The following ZC3H11A variants were observed in gnomAD, a reference collection of about 807,000 sequenced individuals.
ZC3H11A encodes the protein zinc finger CCCH-type containing 11A, also known as zinc finger CCCH domain-containing protein 11A.
A neutral mutation model predicts 90.8 loss-of-function variants in ZC3H11A; 22 were observed. The ratio of observed to expected loss-of-function variants is 0.24; its 90% CI spans 0.17 to 0.35. ZC3H11A has a LOEUF of 0.35. Ranked by LOEUF, ZC3H11A falls within the 10% of genes least tolerant of loss-of-function variation. The probability of loss-of-function intolerance (pLI) is 1.00; values close to 1 mark genes in which losing one functional copy is unlikely to be tolerated. For synonymous variants in ZC3H11A, 294 were observed against 339.8 expected (o/e 0.87, Z 1.48); for missense variants, 701 against 964.9 (o/e 0.73, Z 3.62).
At chr1:203,834,049 G>A in intron 10 of ZC3H11A, 196 bp downstream of exon 10, 12 of 1,249,936 alleles carry the variant, frequency 9.6e-6, no homozygotes, top group Non-Finnish European at 1.2e-5. Context: ...TGTTACAATT[G>A]AACTAGATTA....
chr1:203,842,625 CTTTTTT>C (rs575844553), intron 12 of ZC3H11A, among the ~76,000 whole-genome samples: 2 of 128,326 alleles, frequency 1.6e-5, no homozygotes, highest in African/African-American at 5.8e-5. Flanking sequence ...GAGGGGGAAT[CTTTTTT>C]TTTTTTTTTT....
chr1:203,852,264 A>G lies in ZC3H11A; in HGVS notation c.2298A>G (p.Pro766=). 1.2e-6 allele frequency: 2 copies of G among 1,612,864 alleles called. No individual in the cohort carries two copies. Among genetic ancestry groups the G allele is most frequent in the Non-Finnish European group, 1.7e-6 (2 of 1,179,656 alleles). ...RLSSASTGKP[P]LSVEDDFEKL... ...GCTCTGCCTCAACAGGAAAGCCCCC[A>G]CTCTCTGTGGAGGATGATTTTGAGA... Residue 766 remains proline, a synonymous_variant, in exon 18 of 18, where the codon CCA becomes CCG. Coordinates refer to ENST00000367210, the MANE Select transcript of ZC3H11A (RefSeq NM_001376342.1).
At position 203,829,594 on chromosome 1, in the gene ZC3H11A, C is replaced by T; in HGVS notation, c.442C>T (p.Pro148Ser). 2 of 1,614,148 alleles carry T rather than the reference C, an allele frequency of 1.2e-6. No individual in the cohort carries two copies. Among genetic ancestry groups the T allele is most frequent in the Non-Finnish European group, 1.7e-6 (2 of 1,180,038 alleles). Reference sequence around the variant, plus strand: ...GAAAGTAGAAAGTTCCGAAAATGTTCCTAGCCCCACGCATCCACCAGTTGT... The same window carrying T: ...GAAAGTAGAAAGTTCCGAAAATGTTTCTAGCCCCACGCATCCACCAGTTGT... ...VMKVESSENV[P>S]SPTHPPVVIN... is the part of the protein sequence containing the mutation. The change falls in exon 6 of 18, where the codon CCT becomes TCT. Residue 148 changes from proline to serine, a missense_variant. By Grantham distance (74) the Pro-to-Ser change is moderately conservative. Around this residue, in one of 4 missense-constraint regions of ZC3H11A, gnomAD observed 530 missense variants for 696.2 expected, o/e 0.76. Coordinates refer to ENST00000367210, the MANE Select transcript of ZC3H11A (RefSeq NM_001376342.1).
intron 2 of ZC3H11A, among the ~76,000 whole-genome samples, chr1:203,809,818 G>A (rs1017403315): frequency 6.6e-6 from 1 of 152,090 alleles, no homozygotes; most frequent in African/African-American, 2.4e-5. Flanking sequence ...GCCAGGCATG[G>A]TGGCAGGCGC....
At chr1:203,851,211 A>G in intron 17 of ZC3H11A, 87 bp downstream of exon 17, 1 of 1,185,986 alleles carries the variant, frequency 8.4e-7, no homozygotes, top group Admixed American at 2.3e-5. Context: ...AAATAACTTT[A>G]GCAACATTCA....
intron 4 of ZC3H11A, among the ~76,000 whole-genome samples, chr1:203,820,720 T>C (rs952737811): frequency 5.3e-5 from 8 of 152,116 alleles, no homozygotes; most frequent in East Asian, 3.9e-4. Flanking sequence ...CCTCAAGTTA[T>C]TCACCTGCCT....
chr1:203,809,928 T>G (rs896335690), intron 2 of ZC3H11A, among the ~76,000 whole-genome samples: 5 of 152,106 alleles, frequency 3.3e-5, no homozygotes, highest in Admixed American at 1.3e-4. Flanking sequence ...CACTCCAGGT[T>G]TGGGCAACAG....
chr1:203,816,507 TA>T (rs1676426510), intron 2 of ZC3H11A, among the ~76,000 whole-genome samples: 1 of 152,136 alleles, frequency 6.6e-6, no homozygotes, highest in African/African-American at 2.4e-5. Flanking sequence ...TATGTGCCTG[TA>T]GTCCTGGATA....
intron 13 of ZC3H11A, 120 bp downstream of exon 13, chr1:203,847,807 A>G: frequency 2.1e-6 from 3 of 1,414,840 alleles, no homozygotes; most frequent in Non-Finnish European, 2.9e-6. Flanking sequence ...CGTTGAAAAC[A>G]CTGAATTAAA....
chr1:203,817,206 GT>G, intron 3 of ZC3H11A, 82 bp downstream of exon 3: 1 of 1,196,718 alleles, frequency 8.4e-7, no homozygotes, highest in Non-Finnish European at 1.2e-6. Flanking sequence ...ATTTTAAGTT[GT>G]TTTTATTATA....
At chr1:203,808,137 A>G (rs995736497) in intron 2 of ZC3H11A, among the ~76,000 whole-genome samples, 3 of 152,162 alleles carry the variant, frequency 2.0e-5, no homozygotes, top group African/African-American at 7.2e-5. Context: ...AAGTATAAGT[A>G]CATAGGTGAT....
At chr1:203,820,773 G>A (rs544474270) in intron 4 of ZC3H11A, among the ~76,000 whole-genome samples, 45 of 152,070 alleles carry the variant, frequency 3.0e-4, no homozygotes, top group Non-Finnish European at 5.3e-4. Context: ...AGCCACGCCC[G>A]GCGAATGGTA....
chr1:203,840,445 T>C (rs1685745377), intron 12 of ZC3H11A, 71 bp downstream of exon 12: 2 of 1,466,998 alleles, frequency 1.4e-6, no homozygotes, highest in East Asian at 2.3e-5. Context: ...TTTTCTCAGA[T>C]TTACCTGTTG....
rs1681231881 is a variant in ZC3H11A at position 203,828,325 on chromosome 1, T to C, written c.201T>C (p.Tyr67=). Reference sequence around the variant, plus strand: ...AAAAACGCAGTGAAATTCCTTGTTATTGGGAAAATCAGCCAACAGGATGTC... The same window carrying C: ...AAAAACGCAGTGAAATTCCTTGTTACTGGGAAAATCAGCCAACAGGATGTC... ...IDKKRSEIPC[Y]WENQPTGCQK... is the part of the protein sequence containing the mutation. Residue 67 remains tyrosine (Y), a synonymous_variant, in exon 5 of 18, where the codon TAT becomes TAC. Coordinates refer to ENST00000367210, the MANE Select transcript of ZC3H11A (RefSeq NM_001376342.1). 2 of 1,613,996 alleles carry C rather than the reference T, an allele frequency of 1.2e-6. No individual in the cohort carries two copies. The highest frequency in any genetic ancestry group is 1.7e-5 in the Admixed American group (1 of 60,010).
At position 203,832,896 on chromosome 1, in the gene ZC3H11A, G is replaced by T. The variant is rs556439386; in HGVS notation, c.812-895G>T. ...ATAGTTTCAGCTTTATAACCAATTG[G>T]TTAAGAATACAATCTGTCTTATACT... is the stretch of plus-strand genomic sequence containing the variant. On this transcript the variant is annotated intron_variant, in intron 9 of 17. Transcript: ENST00000367210. Among the ~76,000 whole-genome samples the T allele has an allele frequency of 2.6e-5, 4 of 152,230 alleles. No homozygotes were observed. In the East Asian group the frequency reaches 5.8e-4, roughly 22 times the overall value.
chr1:203,824,565 CAT>C (rs1221716618), intron 4 of ZC3H11A, among the ~76,000 whole-genome samples: 2 of 152,194 alleles, frequency 1.3e-5, no homozygotes, highest in South Asian at 4.1e-4. Flanking sequence ...AGTCATCTGA[CAT>C]GTGTCACATT....
chr1:203,804,395 G>T (rs561931459), intron 2 of ZC3H11A, among the ~76,000 whole-genome samples: 1 of 151,520 alleles, frequency 6.6e-6, no homozygotes, highest in Non-Finnish European at 1.5e-5. Context: ...CTCGTGATCC[G>T]CCCGCCTCGG....
chr1:203,844,014 C>T (rs113248662), intron 12 of ZC3H11A, among the ~76,000 whole-genome samples: 1 of 151,826 alleles, frequency 6.6e-6, no homozygotes, highest in Non-Finnish European at 1.5e-5. Context: ...TGCGCTACCA[C>T]GCCCGGCTAA....
chr1:203,845,190 A>G lies in ZC3H11A; in HGVS notation c.1043-1994A>G, dbSNP rs376373950. Reference sequence around the variant, plus strand: ...CTGTTTTAGAAATTCTTCAAGATGTATGCTCTGCCAGTGACATCCTTATTT... The same window carrying G: ...CTGTTTTAGAAATTCTTCAAGATGTGTGCTCTGCCAGTGACATCCTTATTT... On this transcript the variant is annotated intron_variant, in intron 12 of 17. Coordinates refer to ENST00000367210, the MANE Select transcript of ZC3H11A (RefSeq NM_001376342.1). 7.9e-5 allele frequency among the ~76,000 whole-genome samples: 12 copies of G among 152,308 alleles called. No individual in the cohort carries two copies. The East Asian group carries it at 9.6e-4, about 12-fold the overall frequency.
Sources: gnomAD v4.1 joint callset for allele counts (sites outside exome capture counted in the v4.1 genomes callset) on GRCh38, gnomAD v4.1.1 for gene constraint, gnomAD v4.1.1 regional missense constraint, MANE v1.5 for transcripts, NCBI Gene and HGNC (gene_info 2026-07-23, HGNC 2026-07-21) for gene names.